The following APOBEC3C variants were observed in gnomAD, a reference collection of about 807,000 sequenced individuals.
APOBEC3C encodes the protein DNA dC->dU-editing enzyme APOBEC-3C.
A neutral mutation model predicts 20.6 loss-of-function variants in APOBEC3C; 14 were observed. The ratio of observed to expected loss-of-function variants is 0.68; its 90% CI spans 0.45 to 1.06. APOBEC3C has a LOEUF of 1.06. Among genes scored for constraint, APOBEC3C ranks in the 50% least tolerant of loss-of-function variants. The pLI is 0.00. For missense variants in APOBEC3C, 244 were observed against 241.9 expected, an observed-to-expected ratio of 1.01 and a Z score of -0.06; for synonymous variants, 98 against 88.8, an observed-to-expected ratio of 1.10 and a Z score of -0.58.
rs765423222 is a variant in APOBEC3C at position 39,015,665 on chromosome 22, C to T, written c.88C>T (p.Arg30Trp). ...QFKNLWEAND[R>W]NETWLCFTVE... The stretch of plus-strand genomic sequence containing the variant: ...TAAAAACCTATGGGAAGCCAACGAT[C>T]GGAACGAAACTTGGCTGTGCTTCAC... Residue 30 changes from arginine to tryptophan, a missense_variant, in exon 2 of 4, where the codon CGG becomes TGG. Transcript: ENST00000361441. 13 of 1,614,012 alleles carry T rather than the reference C, an allele frequency of 8.1e-6. No individual in the cohort carries two copies. The highest frequency in any genetic ancestry group is 5.3e-5 in the African/African-American group (4 of 74,906).
intron 2 of APOBEC3C, among the ~76,000 whole-genome samples, chr22:39,016,676 C>T (rs769317300): frequency 1.2e-4 from 19 of 152,142 alleles, no homozygotes; most frequent in Non-Finnish European, 2.4e-4. Context: ...GCTGTGCGTC[C>T]GGCAGTCCTC....
intron 1 of APOBEC3C, 42 bp from the exon 2 acceptor site, chr22:39,015,553 T>C: frequency 6.2e-7 from 1 of 1,601,530 alleles, no homozygotes; most frequent in Non-Finnish European, 8.5e-7. Context: ...AGGACTCCGG[T>C]GCGGGGGTCT....
intron 1 of APOBEC3C, among the ~76,000 whole-genome samples, chr22:39,015,020 A>G (rs918186892): frequency 6.6e-6 from 1 of 152,052 alleles, no homozygotes; most frequent in Admixed American, 6.6e-5. Context: ...ATTTTAGGCC[A>G]GGCACGGTGG....
Position 39,014,494 on chromosome 22 carries a change from C to T in APOBEC3C, c.17+115C>T, listed in dbSNP as rs529164730. The T allele has an allele frequency of 1.9e-5, 25 of 1,305,002 alleles. No individual in the cohort carries two copies. The African/African-American group carries it at 2.0e-4, about 11-fold the overall frequency. The allele number at this position is 1,305,002 out of a possible 1,614,324, so 80.8% of individuals were successfully genotyped here. On this transcript the variant is annotated intron_variant, in intron 1 of 3. Transcript: ENST00000361441. ...CAGCCCCACCTCTGGGCTCCCTCCC[C>T]CCTGGTTCCCCCGCTGCCCCCACTC...
chr22:39,015,176 G>A (rs988227925), intron 1 of APOBEC3C, among the ~76,000 whole-genome samples: 2 of 151,954 alleles, frequency 1.3e-5, no homozygotes, highest in African/African-American at 4.8e-5. Flanking sequence ...GCGGGCGTCT[G>A]TAATCCCAGC....
chr22:39,019,892 G>A lies in APOBEC3C; in HGVS notation c.*1505G>A, dbSNP rs983024785. The A allele has an allele frequency of 7.7e-6, 1 of 129,406 alleles. No individual in the cohort carries two copies. The highest frequency in any genetic ancestry group is 2.9e-5 in the African/African-American group (1 of 34,114). 8.0% of individuals were successfully genotyped at this position (129,406 alleles called of 1,614,324 possible). ...ACAATCTGGACTCACTGCAACCTCCGCCTCCCGAGTTTAAGCGATTCTTCT... is the reference window on the plus strand; with the variant it reads ...ACAATCTGGACTCACTGCAACCTCCACCTCCCGAGTTTAAGCGATTCTTCT... On this transcript the variant is annotated 3_prime_UTR_variant, in exon 4 of 4. Coordinates refer to ENST00000361441, the MANE Select transcript of APOBEC3C (RefSeq NM_014508.3).
At chr22:39,015,833 C>A in intron 2 of APOBEC3C, 82 bp downstream of exon 2, 1 of 1,422,206 alleles carries the variant, frequency 7.0e-7, no homozygotes, top group East Asian at 2.3e-5. Flanking sequence ...GTGATGTGCC[C>A]GGCGTGGGCT....
chr22:39,018,106 T>A, intron 3 of APOBEC3C, 61 bp downstream of exon 3: 6 of 1,593,916 alleles, frequency 3.8e-6, no homozygotes, highest in Non-Finnish European at 5.1e-6. Flanking sequence ...GGCAGATGGT[T>A]CTCCAATGCT....
intron 1 of APOBEC3C, 120 bp from the exon 2 acceptor site, chr22:39,015,475 T>C (rs1924745354): frequency 1.7e-6 from 2 of 1,156,954 alleles, no homozygotes; most frequent in East Asian, 4.8e-5. Flanking sequence ...CTCAGGGCTG[T>C]GGAGGGATGG....
At position 39,017,827 on chromosome 22, in the gene APOBEC3C, T is replaced by C. The variant is rs764707463; in HGVS notation, c.236T>C (p.Ile79Thr). Reference protein sequence around the residue: ...RCFLSWFCDDILSPNTKYQVT... With the variant: ...RCFLSWFCDDTLSPNTKYQVT... ...TTCCTCTCTTGGTTCTGCGACGACATACTGTCTCCTAACACAAAGTACCAG... is the reference window on the plus strand; with the variant it reads ...TTCCTCTCTTGGTTCTGCGACGACACACTGTCTCCTAACACAAAGTACCAG... The change falls in exon 3 of 4, where the codon ATA becomes ACA. Residue 79 changes from isoleucine to threonine, a missense_variant. Physicochemically the swap from Ile to Thr is moderately conservative, Grantham distance 89. Transcript: ENST00000361441. 5 of 1,614,092 alleles carry C rather than the reference T, an allele frequency of 3.1e-6. No homozygotes were observed. The highest frequency in any genetic ancestry group is 1.7e-4 in the Middle Eastern group (1 of 6,058).
rs373319984 is a variant in APOBEC3C at position 39,020,170 on chromosome 22, C to T, written c.*1783C>T. ...ACCTACATGAATATTCATAGCTCCT[C>T]CTGTAGCCTGTTGAATATGTATGTT... is the stretch of plus-strand genomic sequence containing the variant. On this transcript the variant is annotated 3_prime_UTR_variant, in exon 4 of 4. Transcript: ENST00000361441. 6.6e-6 allele frequency: 1 copy of T among 152,300 alleles called. No homozygotes were observed. Among genetic ancestry groups the T allele is most frequent in the African/African-American group, 2.4e-5 (1 of 41,552 alleles). The allele number at this position is 152,300 out of a possible 1,614,324, so 9.4% of individuals were successfully genotyped here. A position where few individuals can be genotyped will look rare whatever the true frequency, so the allele number is the denominator to read the frequency against.
At chr22:39,017,438 G>A (rs1193484841) in intron 2 of APOBEC3C, among the ~76,000 whole-genome samples, 1 of 152,098 alleles carries the variant, frequency 6.6e-6, no homozygotes, top group Non-Finnish European at 1.5e-5. Flanking sequence ...AAGAGTTCAA[G>A]ATCAGCCTGG....
At position 39,014,321 on chromosome 22, in the gene APOBEC3C, GAA is replaced by G; in HGVS notation, c.-39_-38del. The G allele has an allele frequency of 6.2e-7, 1 of 1,614,028 alleles. No individual in the cohort carries two copies. The highest frequency in any genetic ancestry group is 8.5e-7 in the Non-Finnish European group (1 of 1,179,904). ...CAGGAAGAGAAGCCACAGCGCTTCA[GAA>G]AAGAGTGGGACAGGGACAAGCATAT... On this transcript the variant is annotated 5_prime_UTR_variant, in exon 1 of 4. Transcript: ENST00000361441.
chr22:39,015,662 G>C lies in APOBEC3C; in HGVS notation c.85G>C (p.Asp29His). The C allele has an allele frequency of 6.2e-7, 1 of 1,614,142 alleles. No individual in the cohort carries two copies. ...FQFKNLWEAN[D>H]RNETWLCFTV... ...ATTTAAAAACCTATGGGAAGCCAAC[G>C]ATCGGAACGAAACTTGGCTGTGCTT... Residue 29 changes from aspartate to histidine, a missense_variant, in exon 2 of 4, where the codon GAT (aspartate) becomes CAT (histidine). Coordinates refer to ENST00000361441, the MANE Select transcript of APOBEC3C (RefSeq NM_014508.3).
chr22:39,015,229 G>A (rs991385090), intron 1 of APOBEC3C, among the ~76,000 whole-genome samples: 1 of 151,978 alleles, frequency 6.6e-6, no homozygotes, highest in Non-Finnish European at 1.5e-5. Flanking sequence ...AACCCGAGGG[G>A]TGGAGGTTGC....
chr22:39,018,245 T>G (rs1753781253), intron 3 of APOBEC3C, 24 bp from the exon 4 acceptor site: 4 of 1,609,614 alleles, frequency 2.5e-6, no homozygotes, highest in Non-Finnish European at 3.4e-6. Flanking sequence ...GGGCCCTCAC[T>G]GTTTTCTCCT....
chr22:39,014,490 T>TC, intron 1 of APOBEC3C, 111 bp downstream of exon 1: 2 of 1,121,840 alleles, frequency 1.8e-6, no homozygotes, highest in Non-Finnish European at 1.2e-6. Context: ...CTGGGCTCCC[T>TC]CCCCCCTGGT....
At chr22:39,017,617 G>A in intron 2 of APOBEC3C, 149 bp from the exon 3 acceptor site, 1 of 1,066,964 alleles carries the variant, frequency 9.4e-7, no homozygotes, top group Non-Finnish European at 1.4e-6. Flanking sequence ...CCCCTAACCT[G>A]TGCACCAGAG....
At position 39,018,407 on chromosome 22, in the gene APOBEC3C, T is replaced by C. The variant is rs202188247; in HGVS notation, c.*20T>C. On this transcript the variant is annotated 3_prime_UTR_variant, in exon 4 of 4. Transcript: ENST00000361441. ...CAGTGAGGGGTCTCCCTGGGCCTCA[T>C]GGTCTGTCTCCTCTAGCCTCCTGCT... is the stretch of plus-strand genomic sequence containing the variant. 1.1e-4 allele frequency: 183 copies of C among 1,610,040 alleles called. No homozygotes were observed. The highest frequency in any genetic ancestry group is 3.3e-4 in the Middle Eastern group (2 of 6,046).
Sources: gnomAD v4.1 joint callset for allele counts (sites outside exome capture counted in the v4.1 genomes callset) on GRCh38, gnomAD v4.1.1 for gene constraint, MANE v1.5 for transcripts, NCBI Gene and HGNC (gene_info 2026-07-23, HGNC 2026-07-21) for gene names.